Variants in HTR7 observed in about 807,000 individuals in gnomAD.
The protein encoded by HTR7 is 5-HT-7.
HTR7 carries 16 observed loss-of-function variants against 34.0 expected under a neutral mutation model. The observed-to-expected ratio is 0.47, with a 90% CI of 0.32 to 0.71. HTR7 has a LOEUF of 0.71. Ranked by LOEUF, HTR7 falls within the 30% of genes least tolerant of loss-of-function variation. The pLI, the probability that HTR7 is intolerant of heterozygous loss-of-function variation, is 0.04. For missense variants in HTR7, 504 were observed against 625.5 expected (o/e 0.81, Z 2.07); for synonymous variants, 265 against 260.2 (o/e 1.02, Z -0.18).
At chr10:90,828,074 A>G (rs1435667823) in intron 1 of HTR7, among the ~76,000 whole-genome samples, 1 of 144,736 alleles carries the variant, frequency 6.9e-6, no homozygotes, top group Non-Finnish European at 1.5e-5. Flanking sequence ...TGGAAACCAC[A>G]CAAACACACG....
rs199501150 is a variant in HTR7 at position 90,857,258 on chromosome 10, G to A, written c.414C>T (p.Val138=). The change falls in exon 1 of 4, where the codon GTC becomes GTT. Residue 138 remains valine (V), a synonymous_variant. Transcript: ENST00000336152. The surrounding 1 kb of genome is among the most constrained non-coding windows in gnomAD (Gnocchi z 6.5). ...LSVAVAVMPF[V]SVTDLIGGKW... is the part of the protein sequence containing the mutation. ...TGCCCCCGATGAGGTCGGTGACGCT[G>A]ACGAAGGGCATGACCGCCACAGCCA... The A allele has an allele frequency of 7.4e-6, 12 of 1,614,140 alleles. No homozygotes were observed. The East Asian group carries it at 2.7e-4, about 36-fold the overall frequency.
chr10:90,842,188 T>C (rs1454733237), intron 1 of HTR7, among the ~76,000 whole-genome samples: 2 of 152,150 alleles, frequency 1.3e-5, no homozygotes, highest in African/African-American at 4.8e-5. Context: ...AGCAACCTCA[T>C]AAAAGGGCTG....
chr10:90,793,536 C>CAAA (rs34846867), intron 1 of HTR7, among the ~76,000 whole-genome samples: 162 of 132,760 alleles, frequency 1.2e-3, no homozygotes, highest in African/African-American at 2.2e-3. Context: ...TAAGAAAGCT[C>CAAA]AAAAAAAAAA....
rs1213172138 is a variant in HTR7, at chr10:90,823,890, T to C, written c.539+33243A>G. ...CTGCTGGCCATGGGGAAGACATGCT[T>C]GCTTCCCCTTTGTCTTCTGCCATGA... is the stretch of plus-strand genomic sequence containing the variant. On this transcript the variant is annotated intron_variant, in intron 1 of 3. Transcript: ENST00000336152. Among the ~76,000 whole-genome samples, 5 of 152,214 alleles carry C rather than the reference T, an allele frequency of 3.3e-5. No individual in the cohort carries two copies. In the East Asian group the frequency reaches 9.6e-4, roughly 29 times the overall value.
At chr10:90,821,288 C>T (rs777534916) in intron 1 of HTR7, among the ~76,000 whole-genome samples, 1 of 152,158 alleles carries the variant, frequency 6.6e-6, no homozygotes, top group Non-Finnish European at 1.5e-5. Context: ...CCCCAACCCC[C>T]AGCAGCAGCC....
chr10:90,824,143 G>A (rs563576270), intron 1 of HTR7, among the ~76,000 whole-genome samples: 8 of 152,326 alleles, frequency 5.3e-5, no homozygotes, highest in Middle Eastern at 3.4e-3. Context: ...AGAGGAGAGC[G>A]AAGAGCAAAG....
At chr10:90,816,135 C>T (rs139568156) in intron 1 of HTR7, among the ~76,000 whole-genome samples, 15 of 152,314 alleles carry the variant, frequency 9.8e-5, no homozygotes, top group Non-Finnish European at 1.9e-4. Context: ...TGAAGCTATG[C>T]GAGGAGCTCC....
intron 1 of HTR7, among the ~76,000 whole-genome samples, chr10:90,831,524 T>A (rs1383972439): frequency 1.3e-5 from 2 of 152,220 alleles, no homozygotes; most frequent in Non-Finnish European, 2.9e-5. Context: ...CAAGATCTAT[T>A]GCAAAAAGCA....
chr10:90,787,257 A>G (rs1218938480), intron 1 of HTR7, among the ~76,000 whole-genome samples: 1 of 152,190 alleles, frequency 6.6e-6, no homozygotes, highest in African/African-American at 2.4e-5. Context: ...TGGGAGGCCA[A>G]GGTGGGTGGA....
intron 1 of HTR7, among the ~76,000 whole-genome samples, chr10:90,839,823 C>T (rs1439095070): frequency 6.6e-6 from 1 of 152,076 alleles, no homozygotes; most frequent in African/African-American, 2.4e-5. Flanking sequence ...CAATTGTTTG[C>T]AACCAGAAGC....
At chr10:90,747,795 G>C (rs1360859872) in intron 2 of HTR7, among the ~76,000 whole-genome samples, 1 of 152,112 alleles carries the variant, frequency 6.6e-6, no homozygotes, top group East Asian at 1.9e-4. Flanking sequence ...ACACTAATCT[G>C]CTCATTCTCT....
At chr10:90,791,092 AG>A (rs1845453246) in intron 1 of HTR7, among the ~76,000 whole-genome samples, 2 of 152,054 alleles carry the variant, frequency 1.3e-5, no homozygotes, top group Non-Finnish European at 2.9e-5. Context: ...GAAAAGGGGC[AG>A]GGTTCAGAAA....
intron 1 of HTR7, among the ~76,000 whole-genome samples, chr10:90,764,818 C>G (rs1490167865): frequency 6.6e-6 from 1 of 152,070 alleles, no homozygotes; most frequent in Non-Finnish European, 1.5e-5. Flanking sequence ...TGAATTGTGT[C>G]AAATGCTTTT....
At chr10:90,753,142 G>A (rs535435961) in intron 1 of HTR7, among the ~76,000 whole-genome samples, 29 of 152,104 alleles carry the variant, frequency 1.9e-4, no homozygotes, top group African/African-American at 7.0e-4. Context: ...ACAAAACACA[G>A]CCATCCCATA....
chr10:90,850,494 T>A (rs1265066267), intron 1 of HTR7, among the ~76,000 whole-genome samples: 2 of 151,922 alleles, frequency 1.3e-5, no homozygotes, highest in African/African-American at 4.8e-5. Context: ...GAATATACAA[T>A]CAACATTTGC....
At chr10:90,808,265 A>T (rs560442125) in intron 1 of HTR7, among the ~76,000 whole-genome samples, 2 of 151,334 alleles carry the variant, frequency 1.3e-5, no homozygotes, top group Non-Finnish European at 2.9e-5. Context: ...CTGGGGGGCA[A>T]GAAACCCCTA....
chr10:90,833,325 T>C (rs1266860100), intron 1 of HTR7, among the ~76,000 whole-genome samples: 1 of 152,216 alleles, frequency 6.6e-6, no homozygotes, highest in African/African-American at 2.4e-5. Flanking sequence ...TTACCATGAA[T>C]AGACCATATT....
At chr10:90,804,587 A>T (rs189388263) in intron 1 of HTR7, among the ~76,000 whole-genome samples, 20 of 151,138 alleles carry the variant, frequency 1.3e-4, no homozygotes, top group Non-Finnish European at 2.9e-4. Flanking sequence ...ACGAGCCACC[A>T]CCCCTCCCCA....
chr10:90,772,546 A>G (rs1225004620), intron 1 of HTR7, among the ~76,000 whole-genome samples: 1 of 152,182 alleles, frequency 6.6e-6, no homozygotes, highest in Non-Finnish European at 1.5e-5. Flanking sequence ...CGTATCTTTA[A>G]AATAAAGCAA....
Sources: allele counts gnomAD v4.1 joint callset (sites outside exome capture counted in the v4.1 genomes callset), GRCh38; gene constraint gnomAD v4.1.1; non-coding constraint Gnocchi (gnomAD v3.1); transcripts MANE v1.5; gene names NCBI Gene and HGNC (gene_info 2026-07-23, HGNC 2026-07-21).